Variants in ANO2 observed in about 807,000 individuals in gnomAD.
The protein encoded by ANO2 is anoctamin 2.
In ANO2, 101 loss-of-function variants were observed where a neutral mutation model predicts 124.2. The observed-to-expected ratio is 0.81, with a 90% CI of 0.69 to 0.96. The LOEUF (loss-of-function observed/expected upper bound fraction) is 0.96. ANO2 is among the 40% of genes least tolerant of loss of function. The probability of loss-of-function intolerance (pLI) is 0.00; values close to 1 mark genes in which losing one functional copy is unlikely to be tolerated. For synonymous variants in ANO2, 486 were observed against 482.5 expected (o/e 1.01, Z -0.09); for missense variants, 1,293 against 1,274.5 (o/e 1.01, Z -0.22).
intron 14 of ANO2, among the ~76,000 whole-genome samples, chr12:5,704,956 G>C (rs1370405950): frequency 6.6e-6 from 1 of 152,138 alleles, no homozygotes; most frequent in Middle Eastern, 3.2e-3. Flanking sequence ...TCAATTGTCT[G>C]TCACTTCTGG....
chr12:5,860,340 A>T (rs1955227594), intron 3 of ANO2, among the ~76,000 whole-genome samples: 1 of 152,164 alleles, frequency 6.6e-6, no homozygotes, highest in Admixed American at 6.5e-5. Context: ...TCATTGTGTC[A>T]CTAAGCATCT....
chr12:5,818,446 ATTAT>A (rs1292149949), intron 7 of ANO2, among the ~76,000 whole-genome samples: 4 of 79,366 alleles, frequency 5.0e-5, no homozygotes, highest in African/African-American at 1.4e-4. Flanking sequence ...ATAAACTCAT[ATTAT>A]ATATATATAT....
At position 5,563,290 on chromosome 12, in the gene ANO2, C is replaced by T. The variant is rs1489585514; in HGVS notation, c.*9G>A. ...CTGCCGTGCCCTCCTCTGCTGCAGG[C>T]TGAACTGCTCACACATTGGTGTGCT... On this transcript the variant is annotated 3_prime_UTR_variant, in exon 25 of 25. Transcript: ENST00000682330. 3 of 1,592,720 alleles carry T rather than the reference C, an allele frequency of 1.9e-6. No individual in the cohort carries two copies. Among genetic ancestry groups the T allele is most frequent in the East Asian group, 2.3e-5 (1 of 44,400 alleles).
intron 14 of ANO2, among the ~76,000 whole-genome samples, chr12:5,711,736 G>A (rs1949825322): frequency 6.6e-6 from 1 of 152,152 alleles, no homozygotes; most frequent in Admixed American, 6.5e-5. Flanking sequence ...TAAAAATAAT[G>A]TGCACGCAAT....
chr12:5,905,005 A>T (rs1046951101), intron 3 of ANO2, among the ~76,000 whole-genome samples: 3 of 152,200 alleles, frequency 2.0e-5, no homozygotes, highest in Admixed American at 6.5e-5. Flanking sequence ...CAATCCAAAC[A>T]GTGGACTCTA....
chr12:5,924,577 C>T (rs1026482707), intron 1 of ANO2, among the ~76,000 whole-genome samples: 18 of 152,106 alleles, frequency 1.2e-4, no homozygotes, highest in African/African-American at 4.3e-4. Flanking sequence ...ATCACTCTGC[C>T]GAAAGGAAAA....
chr12:5,666,786 T>G (rs1217672284), intron 14 of ANO2, among the ~76,000 whole-genome samples: 2 of 44,914 alleles, frequency 4.5e-5, no homozygotes, highest in Non-Finnish European at 8.2e-5. Context: ...CACCCCAGCT[T>G]CTGGGAAGTG....
intron 20 of ANO2, among the ~76,000 whole-genome samples, chr12:5,593,708 A>G (rs1302637299): frequency 6.6e-6 from 1 of 152,184 alleles, no homozygotes; most frequent in Non-Finnish European, 1.5e-5. Flanking sequence ...ACATGCATCA[A>G]CTGACTCCCA....
intron 9 of ANO2, among the ~76,000 whole-genome samples, chr12:5,802,929 G>C (rs1167136863): frequency 6.6e-6 from 1 of 152,208 alleles, no homozygotes; most frequent in Non-Finnish European, 1.5e-5. Context: ...GATAGAAGCA[G>C]CAAGTTTGGC....
At chr12:5,579,495 C>T (rs1387295043) in intron 20 of ANO2, among the ~76,000 whole-genome samples, 2 of 152,112 alleles carry the variant, frequency 1.3e-5, no homozygotes, top group African/African-American at 2.4e-5. Flanking sequence ...GTGGCACAGC[C>T]CATGCCCATG....
intron 17 of ANO2, among the ~76,000 whole-genome samples, chr12:5,614,027 T>G (rs192767195): frequency 9.5e-4 from 145 of 152,260 alleles, no homozygotes; most frequent in Non-Finnish European, 6.5e-4. Context: ...AATTATCAAG[T>G]GTGGATGATG....
chr12:5,782,805 TGAA>T (rs973328090), intron 10 of ANO2, among the ~76,000 whole-genome samples: 2 of 152,230 alleles, frequency 1.3e-5, no homozygotes, highest in African/African-American at 2.4e-5. Context: ...TGTTGGGAGT[TGAA>T]GAGAGCTAGA....
intron 1 of ANO2, among the ~76,000 whole-genome samples, chr12:5,923,031 TACAC>T (rs1194948931): frequency 7.8e-6 from 1 of 128,440 alleles, no homozygotes; most frequent in Admixed American, 7.6e-5. Flanking sequence ...CACACACACA[TACAC>T]ACACATGCAC....
At position 5,827,750 on chromosome 12, in the gene ANO2, C is replaced by G. The variant is rs765019005; in HGVS notation, c.892+19G>C. 8.7e-6 allele frequency: 14 copies of G among 1,605,906 alleles called. No homozygotes were observed. The highest frequency in any genetic ancestry group is 3.4e-5 in the Admixed American group (2 of 59,106). ...CCTCAGCGCCCGTCAGCACCCTGCC[C>G]GCGGGCTGGGGTCCTTACCCATCGT... is the stretch of plus-strand genomic sequence containing the variant. On this transcript the variant is annotated intron_variant, in intron 7 of 24. Transcript: ENST00000682330.
At chr12:5,828,792 T>C (rs4764519) in intron 6 of ANO2, among the ~76,000 whole-genome samples, 111,254 of 152,054 alleles carry the variant, frequency 0.73, 41,308 homozygotes, top group East Asian at 0.98. Flanking sequence ...CCTCCTGAGT[T>C]CCCAGCCTAT....
chr12:5,696,587 A>G (rs982938878), intron 14 of ANO2, among the ~76,000 whole-genome samples: 1 of 152,198 alleles, frequency 6.6e-6, no homozygotes, highest in South Asian at 2.1e-4. Flanking sequence ...TGTATTCCAG[A>G]GAACAGAAAA....
At chr12:5,695,756 G>A (rs994557109) in intron 14 of ANO2, among the ~76,000 whole-genome samples, 1 of 152,154 alleles carries the variant, frequency 6.6e-6, no homozygotes, top group Non-Finnish European at 1.5e-5. Flanking sequence ...TAGGAGCATC[G>A]CTTGAACCTG....
rs1172696924 is a variant in ANO2 at position 5,580,786 on chromosome 12, T to C, written c.2234-2268A>G. 2.0e-5 allele frequency among the ~76,000 whole-genome samples: 3 copies of C among 152,206 alleles called. No homozygotes were observed. In the East Asian group the frequency reaches 5.8e-4, roughly 29 times the overall value. On this transcript the variant is annotated intron_variant, in intron 20 of 24. Coordinates refer to ENST00000682330, the MANE Select transcript of ANO2 (RefSeq NM_001364791.2). ...AGTTTGCTCAGCCCACAGTTGTGGG[T>C]CACTGTTCTTGCTGATTCAACCCTG...
intron 12 of ANO2, chr12:5,740,100 T>C: frequency 2.4e-6 from 1 of 408,672 alleles, no homozygotes. Flanking sequence ...CTCAGCATGC[T>C]CTAGGAAGAA....
Sources: allele counts gnomAD v4.1 joint callset (sites outside exome capture counted in the v4.1 genomes callset), GRCh38; gene constraint gnomAD v4.1.1; transcripts MANE v1.5; gene names NCBI Gene and HGNC (gene_info 2026-07-23, HGNC 2026-07-21).